The following PMPCA variants were observed in gnomAD, a reference collection of about 807,000 sequenced individuals.
PMPCA encodes the protein peptidase, mitochondrial processing subunit alpha, also known as mitochondrial-processing peptidase subunit alpha.
In PMPCA, 47 loss-of-function variants were observed where a neutral mutation model predicts 59.3. The ratio of observed to expected loss-of-function variants is 0.79; its 90% confidence interval spans 0.63 to 1.01. PMPCA has a LOEUF of 1.01. Ranked by LOEUF, PMPCA falls within the 50% of genes least tolerant of loss-of-function variation. The pLI is 0.00. For synonymous variants in PMPCA, 338 were observed against 290.3 expected (o/e 1.16, Z -1.67); for missense variants, 726 against 704.5 (o/e 1.03, Z -0.34).
Position 136,412,062 on chromosome 9 carries a change from C to T in PMPCA, c.137C>T (p.Ser46Phe), listed in dbSNP as rs762910047. The change falls in exon 2 of 13, where the codon TCT becomes TTT. Residue 46 changes from serine to phenylalanine, a missense_variant. Transcript: ENST00000371717. ...GCCTATCCCAACATCCCCCTCTCTTCTCCCTTACCTGGAGTACCCAAGCCT... is the reference window on the plus strand; with the variant it reads ...GCCTATCCCAACATCCCCCTCTCTTTTCCCTTACCTGGAGTACCCAAGCCT... ...GGAYPNIPLS[S>F]PLPGVPKPVF... 4 of 1,613,390 alleles carry T rather than the reference C, an allele frequency of 2.5e-6. No individual in the cohort carries two copies. Among genetic ancestry groups the T allele is most frequent in the Non-Finnish European group, 3.4e-6 (4 of 1,179,320 alleles).
At chr9:136,412,369 C>T (rs1024083390) in intron 2 of PMPCA, 121 bp from the exon 3 acceptor site, 7 of 747,954 alleles carry the variant, frequency 9.4e-6, no homozygotes, top group Non-Finnish European at 1.6e-5. Flanking sequence ...ACCATCAGCA[C>T]AATCACCCTC....
At position 136,412,010 on chromosome 9, in the gene PMPCA, G is replaced by A. The variant is rs904950671; in HGVS notation, c.85G>A (p.Ala29Thr). 16 of 1,610,848 alleles carry A rather than the reference G, an allele frequency of 9.9e-6. No homozygotes were observed. Among genetic ancestry groups the A allele is most frequent in the Non-Finnish European group, 1.4e-5 (16 of 1,177,268 alleles). Residue 29 changes from alanine (A) to threonine (T), a missense_variant, in exon 2 of 13, where the codon GCG becomes ACG. Coordinates refer to ENST00000371717, the MANE Select transcript of PMPCA (RefSeq NM_015160.3). ...GCSRLRFGPP[A>T]YRRFSSGGAY... The stretch of plus-strand genomic sequence containing the variant: ...TCTCTGTTTTAGGTTTGGACCTCCT[G>A]CGTACAGACGGTTTAGTAGTGGTGG...
At chr9:136,419,910 G>C (rs1173775135) in intron 11 of PMPCA, 1 of 151,976 alleles carries the variant, frequency 6.6e-6, no homozygotes, top group Non-Finnish European at 1.5e-5. Context: ...TTTAAGCTTA[G>C]TTTTTGATGC....
chr9:136,415,138 GC>G (rs1333210997), intron 5 of PMPCA, among the ~76,000 whole-genome samples: 1 of 152,154 alleles, frequency 6.6e-6, no homozygotes, highest in Non-Finnish European at 1.5e-5. Flanking sequence ...AGGCGTGCTG[GC>G]TCACGCCTGT....
chr9:136,413,395 C>T (rs1177048222), intron 4 of PMPCA, among the ~76,000 whole-genome samples: 2 of 152,092 alleles, frequency 1.3e-5, no homozygotes, highest in East Asian at 3.8e-4. Flanking sequence ...GGCAGTGTTG[C>T]CTCGAGCACA....
chr9:136,423,200 A>C lies in PMPCA; in HGVS notation c.1514A>C (p.His505Pro). 1 of 1,613,770 alleles carries C rather than the reference A, an allele frequency of 6.2e-7. No homozygotes were observed. Among genetic ancestry groups the C allele is most frequent in the South Asian group, 1.1e-5 (1 of 91,090 alleles). ...CTGACTGACCTGCCCACGTATGAGC[A>C]CATCCAGACCGCCCTGTCGAGTAAG... is the stretch of plus-strand genomic sequence containing the variant. Reference protein sequence around the residue: ...GDLTDLPTYEHIQTALSSKDG... With the variant: ...GDLTDLPTYEPIQTALSSKDG... The change falls in exon 13 of 13, where the codon CAC becomes CCC. Residue 505 changes from histidine (H) to proline (P), a missense_variant. Coordinates refer to ENST00000371717, the MANE Select transcript of PMPCA (RefSeq NM_015160.3).
intron 12 of PMPCA, 103 bp downstream of exon 12, chr9:136,422,079 A>T: frequency 6.5e-7 from 1 of 1,547,254 alleles, no homozygotes; most frequent in Non-Finnish European, 8.7e-7. Context: ...TGGTATGTCC[A>T]TCACACCCAG....
chr9:136,413,307 A>G (rs1240009525), intron 4 of PMPCA, among the ~76,000 whole-genome samples: 1 of 152,192 alleles, frequency 6.6e-6, no homozygotes, highest in Non-Finnish European at 1.5e-5. Context: ...CACGGGGCAC[A>G]AGGCATTCCA....
At chr9:136,417,932 A>G in intron 7 of PMPCA, 85 bp from the exon 8 acceptor site, 1 of 979,180 alleles carries the variant, frequency 1.0e-6, no homozygotes, top group Non-Finnish European at 1.6e-6. Flanking sequence ...TTTCTGTGTA[A>G]CCACTCTGAA....
At chr9:136,416,171 G>A in intron 5 of PMPCA, 120 bp from the exon 6 acceptor site, 1 of 721,996 alleles carries the variant, frequency 1.4e-6, no homozygotes, top group Non-Finnish European at 2.5e-6. Flanking sequence ...TGAAGGCAGA[G>A]GTGACTGCCA....
In PMPCA at chr9:136,410,708, G is replaced by C; in HGVS notation, c.40G>C (p.Gly14Arg). 7.0e-7 allele frequency: 1 copy of C among 1,422,664 alleles called. No homozygotes were observed. Among genetic ancestry groups the C allele is most frequent in the East Asian group, 2.8e-5 (1 of 36,132 alleles). The allele number at this position is 1,422,664 out of a possible 1,614,324, so 88.1% of individuals were successfully genotyped here. A position where few individuals can be genotyped will look rare whatever the true frequency, so the allele number is the denominator to read the frequency against. The change falls in exon 1 of 13, where the codon GGC (glycine) becomes CGC (arginine). Residue 14 changes from glycine (G) to arginine (R), a missense_variant. Gly to Arg is a moderately radical substitution (Grantham distance 125, BLOSUM62 -2). Transcript: ENST00000371717. ...VVLAATRLLR[G>R]SGSWGCSRLR... ...GCTGGCGGCGACGCGGTTGCTGCGGGGCTCGGGTTCTTGGGGCTGTTCGCG... is the reference window on the plus strand; with the variant it reads ...GCTGGCGGCGACGCGGTTGCTGCGGCGCTCGGGTTCTTGGGGCTGTTCGCG...
intron 6 of PMPCA, 40 bp downstream of exon 6, chr9:136,416,431 A>G (rs1351222135): frequency 1.4e-6 from 2 of 1,411,326 alleles, no homozygotes; most frequent in African/African-American, 2.8e-5. Context: ...CATCTCGAAC[A>G]GTGGTCCTCG....
At chr9:136,420,005 T>TA (rs59784944) in intron 11 of PMPCA, 5 of 151,020 alleles carry the variant, frequency 3.3e-5, no homozygotes, top group Non-Finnish European at 5.9e-5. Context: ...TTTTTTTTTT[T>TA]AGACAGAGTC....
At position 136,412,883 on chromosome 9, in the gene PMPCA, A is replaced by G. The variant is rs1835174395; in HGVS notation, c.428A>G (p.Gln143Arg). Residue 143 changes from glutamine to arginine, a missense_variant, in exon 4 of 13, where the codon CAG (glutamine) becomes CGG (arginine). Physicochemically the swap from Gln to Arg is conservative, Grantham distance 43 (BLOSUM62 1). Coordinates refer to ENST00000371717, the MANE Select transcript of PMPCA (RefSeq NM_015160.3). Reference protein sequence around the residue: ...LEKHGGICDCQTSRDTTMYAV... With the variant: ...LEKHGGICDCRTSRDTTMYAV... Reference sequence around the variant, plus strand: ...AAGCATGGGGGTATCTGTGACTGCCAGACATCAAGGTACACCAGCTTTTGT... The same window carrying G: ...AAGCATGGGGGTATCTGTGACTGCCGGACATCAAGGTACACCAGCTTTTGT... 4 of 1,592,376 alleles carry G rather than the reference A, an allele frequency of 2.5e-6. No homozygotes were observed. The highest frequency in any genetic ancestry group is 2.7e-5 in the African/African-American group (2 of 74,504).
At chr9:136,412,280 A>G in intron 2 of PMPCA, 81 bp downstream of exon 2, 2 of 1,044,226 alleles carry the variant, frequency 1.9e-6, no homozygotes, top group South Asian at 1.3e-5. Context: ...TGTAATTAGC[A>G]TGCCAATTAT....
At chr9:136,411,903 T>C (rs1422485101) in intron 1 of PMPCA, 94 bp from the exon 2 acceptor site, 2 of 758,318 alleles carry the variant, frequency 2.6e-6, no homozygotes, top group Non-Finnish European at 4.7e-6. Flanking sequence ...TGCTCACTTT[T>C]AACCCAGACA....
Position 136,414,592 on chromosome 9 carries a change from CTTGGACACGGTGG to C in PMPCA, c.481_493del (p.Asp161ProfsTer12). ...ATGCTGTGTCTGCTGATAGCAAAGGCTTGGACACGGTGGTTGCCTTACTGGCTGATGTGGTTCT... is the reference window on the plus strand; with the variant it reads ...ATGCTGTGTCTGCTGATAGCAAAGGCTTGCCTTACTGGCTGATGTGGTTCT... On this transcript the variant is annotated frameshift_variant, in exon 5 of 13. Coordinates refer to ENST00000371717, the MANE Select transcript of PMPCA (RefSeq NM_015160.3). LOFTEE classifies it high-confidence loss of function. 6.2e-7 allele frequency: 1 copy of C among 1,613,698 alleles called. No individual in the cohort carries two copies. Among genetic ancestry groups the C allele is most frequent in the Non-Finnish European group, 8.5e-7 (1 of 1,179,582 alleles).
At chr9:136,412,734 G>C in intron 3 of PMPCA, 76 bp from the exon 4 acceptor site, 1 of 955,870 alleles carries the variant, frequency 1.0e-6, no homozygotes, top group African/African-American at 1.7e-5. Flanking sequence ...AAAAGCAAAA[G>C]TAGATTTTAA....
chr9:136,416,844 G>A (rs1835290575), intron 6 of PMPCA, 107 bp from the exon 7 acceptor site: 4 of 1,028,716 alleles, frequency 3.9e-6, no homozygotes, highest in Admixed American at 2.6e-5. Context: ...ATCAGCTTGC[G>A]TCGGATTTTC....
Sources: allele counts gnomAD v4.1 joint callset (sites outside exome capture counted in the v4.1 genomes callset), GRCh38; gene constraint gnomAD v4.1.1; transcripts MANE v1.5; gene names NCBI Gene and HGNC (gene_info 2026-07-23, HGNC 2026-07-21).